CACNA1C: variants seen among roughly 807,000 people sequenced by gnomAD.
CACNA1C encodes the protein voltage-dependent L-type calcium channel subunit alpha-1C.
A neutral mutation model predicts 229.0 loss-of-function variants in CACNA1C; 30 were observed. The ratio of observed to expected loss-of-function variants is 0.13; its 90% confidence interval spans 0.10 to 0.18. The LOEUF (loss-of-function observed/expected upper bound fraction) is 0.18, where lower values mean the gene tolerates loss of function less well. CACNA1C is among the 10% of genes least tolerant of loss of function. The pLI, the probability that CACNA1C is intolerant of heterozygous loss-of-function variation, is 1.00. For synonymous variants in CACNA1C, 1,114 were observed against 1,132.5 expected (o/e 0.98, Z 0.33); for missense variants, 1,658 against 2,845.0 (o/e 0.58, Z 9.49).
At chr12:2,511,250 C>T (rs2099783043) in intron 8 of CACNA1C, among the ~76,000 whole-genome samples, 1 of 152,242 alleles carries the variant, frequency 6.6e-6, no homozygotes. Flanking sequence ...AGGCCCCACC[C>T]CAGCCCCAAC....
Position 2,550,812 on chromosome 12 carries a change from G to A in CACNA1C, c.1481+779G>A, listed in dbSNP as rs961562466. On this transcript the variant is annotated intron_variant, in intron 10 of 46. Coordinates refer to ENST00000399655, the MANE Select transcript of CACNA1C (RefSeq NM_000719.7). Reference sequence around the variant, plus strand: ...GGAAGAGTCTAAACACAGCAATGCCGGCCTTGAGCGTGGCCTGGGAGCCCA... The same window carrying A: ...GGAAGAGTCTAAACACAGCAATGCCAGCCTTGAGCGTGGCCTGGGAGCCCA... 15 of 567,270 alleles carry A rather than the reference G, an allele frequency of 2.6e-5. No homozygotes were observed. The East Asian group carries it at 4.3e-4, about 16-fold the overall frequency. 35.1% of individuals were successfully genotyped at this position (567,270 alleles called of 1,614,324 possible).
chr12:2,667,672 CT>C (rs1374816053), intron 37 of CACNA1C, among the ~76,000 whole-genome samples: 1 of 152,148 alleles, frequency 6.6e-6, no homozygotes, highest in Non-Finnish European at 1.5e-5. Flanking sequence ...CTGGAGGGGG[CT>C]AAAGTGCGTC....
At chr12:2,357,626 A>G (rs1418190713) in intron 3 of CACNA1C, among the ~76,000 whole-genome samples, 1 of 146,132 alleles carries the variant, frequency 6.8e-6, no homozygotes, top group Non-Finnish European at 1.5e-5. Context: ...GAAGGGCTTT[A>G]GTCTGCTTGT....
At chr12:2,572,993 T>G (rs2056965473) in intron 13 of CACNA1C, among the ~76,000 whole-genome samples, 1 of 135,460 alleles carries the variant, frequency 7.4e-6, no homozygotes, top group Non-Finnish European at 1.6e-5. Context: ...TCCTCTTCCT[T>G]CTCCTCCTTC....
chr12:2,183,740 G>A (rs1186355233), intron 3 of CACNA1C, among the ~76,000 whole-genome samples: 3 of 152,240 alleles, frequency 2.0e-5, no homozygotes, highest in Non-Finnish European at 2.9e-5. Context: ...TTGCCTTCCC[G>A]CCAGGTGGGT....
chr12:2,393,942 C>T (rs939543184), intron 3 of CACNA1C, among the ~76,000 whole-genome samples: 1 of 152,008 alleles, frequency 6.6e-6, no homozygotes, highest in East Asian at 1.9e-4. Context: ...CCCATCTCTA[C>T]ATGTCTACAA....
chr12:2,581,514 G>A (rs2060490136), intron 13 of CACNA1C, 76 bp from the exon 14 acceptor site: 2 of 1,314,394 alleles, frequency 1.5e-6, no homozygotes, highest in African/African-American at 2.9e-5. Flanking sequence ...ACCTGCAGTG[G>A]GCAGTTGTGA....
At chr12:2,537,989 C>T (rs950326623) in intron 9 of CACNA1C, among the ~76,000 whole-genome samples, 9 of 152,092 alleles carry the variant, frequency 5.9e-5, no homozygotes, top group South Asian at 2.1e-4. Context: ...TCCACCTCCC[C>T]GCCAACCCGG....
intron 3 of CACNA1C, among the ~76,000 whole-genome samples, chr12:2,329,844 G>A (rs1166752446): frequency 1.3e-5 from 2 of 152,186 alleles, no homozygotes; most frequent in Non-Finnish European, 2.9e-5. Flanking sequence ...CTAGGAAAGG[G>A]CCGTGCTGCA....
At chr12:2,553,033 A>G (rs2042161062) in intron 10 of CACNA1C, among the ~76,000 whole-genome samples, 1 of 152,164 alleles carries the variant, frequency 6.6e-6, no homozygotes, top group Non-Finnish European at 1.5e-5. Context: ...AGACAGTTTG[A>G]GGCCCTGAAC....
At chr12:2,353,536 A>G (rs1174540312) in intron 3 of CACNA1C, among the ~76,000 whole-genome samples, 1 of 152,156 alleles carries the variant, frequency 6.6e-6, no homozygotes, top group Non-Finnish European at 1.5e-5. Flanking sequence ...GTGGAGAGGG[A>G]GACGTGGAGG....
chr12:2,272,627 C>T (rs1460241297), intron 3 of CACNA1C, among the ~76,000 whole-genome samples: 2 of 152,198 alleles, frequency 1.3e-5, no homozygotes, highest in African/African-American at 4.8e-5. Flanking sequence ...TGACGGTTGG[C>T]TGTGTAGAGC....
chr12:1,996,797 T>C (rs1044087504), intron 1 of CACNA1C, among the ~76,000 whole-genome samples: 2 of 152,166 alleles, frequency 1.3e-5, no homozygotes, highest in African/African-American at 4.8e-5. Context: ...AGCCCATTCA[T>C]TGCTCAGAAT....
chr12:2,236,842 A>G (rs369427193), intron 3 of CACNA1C, among the ~76,000 whole-genome samples: 31 of 152,284 alleles, frequency 2.0e-4, no homozygotes, highest in African/African-American at 7.5e-4. Flanking sequence ...AGGCTGTGGT[A>G]TCTTCCTCCC....
chr12:2,430,302 T>C (rs985076384), intron 3 of CACNA1C, among the ~76,000 whole-genome samples: 3 of 152,306 alleles, frequency 2.0e-5, no homozygotes, highest in Admixed American at 6.5e-5. Flanking sequence ...TGATCTTAAC[T>C]TTCCACAGAT....
At chr12:2,530,212 G>T (rs1239881028) in intron 9 of CACNA1C, among the ~76,000 whole-genome samples, 3 of 138,112 alleles carry the variant, frequency 2.2e-5, no homozygotes, top group Non-Finnish European at 4.7e-5. Flanking sequence ...GAAGGGAATT[G>T]TTGATGACCA....
rs745485698 is a variant in CACNA1C, at chr12:2,378,819, T to TTCCTTCCTTCCTTC, written c.478-70157_478-70156insTCCTTCCTTCCTTC. Among the ~76,000 whole-genome samples the TTCCTTCCTTCCTTC allele has an allele frequency of 9.0e-3, 1,335 of 147,826 alleles. 24 individuals carry two copies. Among genetic ancestry groups the TTCCTTCCTTCCTTC allele is most frequent in the African/African-American group, 0.032 (1,253 of 39,760 alleles). ...CTTCCTTCCTTCCTTCCTTCCTTCC[T>TTCCTTCCTTCCTTC]CTCTCTCTTTCCTTCTTTTTTTCTT... On this transcript the variant is annotated intron_variant, in intron 3 of 46. Coordinates refer to ENST00000399655, the MANE Select transcript of CACNA1C (RefSeq NM_000719.7).
chr12:2,622,256 G>A (rs886653499), intron 29 of CACNA1C, among the ~76,000 whole-genome samples: 1 of 152,190 alleles, frequency 6.6e-6, no homozygotes, highest in African/African-American at 2.4e-5. Context: ...ACATGAAAAG[G>A]GCCGGACAGA....
At chr12:2,461,382 G>C (rs181715577) in intron 5 of CACNA1C, among the ~76,000 whole-genome samples, 2 of 152,104 alleles carry the variant, frequency 1.3e-5, no homozygotes, top group African/African-American at 4.8e-5. Context: ...GCTGACTTCT[G>C]TCTCATCTTC....
Sources: gnomAD v4.1 joint callset for allele counts (sites outside exome capture counted in the v4.1 genomes callset) on GRCh38, gnomAD v4.1.1 for gene constraint, MANE v1.5 for transcripts, NCBI Gene and HGNC (gene_info 2026-07-23, HGNC 2026-07-21) for gene names.